The following HNRNPR variants were observed in gnomAD, a reference collection of about 807,000 sequenced individuals.
HNRNPR encodes heterogeneous nuclear ribonucleoprotein R.
HNRNPR carries 4 observed loss-of-function variants against 70.3 expected under a neutral mutation model. The ratio of observed to expected loss-of-function variants is 0.06; its 90% CI spans 0.03 to 0.13. HNRNPR has a LOEUF of 0.13. Among genes scored for constraint, HNRNPR ranks in the 10% least tolerant of loss-of-function variants. The pLI, the probability that HNRNPR is intolerant of heterozygous loss-of-function variation, is 1.00. For missense variants in HNRNPR, 423 were observed against 788.5 expected, an observed-to-expected ratio of 0.54 and a Z score of 5.55; for synonymous variants, 241 against 267.6, an observed-to-expected ratio of 0.90 and a Z score of 0.97.
rs909322903 is a variant in HNRNPR at position 23,318,164 on chromosome 1, CT to C, written c.1017+318del. 1.0e-4 allele frequency among the ~76,000 whole-genome samples: 15 copies of C among 146,754 alleles called. No individual in the cohort carries two copies. The highest frequency in any genetic ancestry group is 4.0e-4 in the African/African-American group (15 of 37,900). On this transcript the variant is annotated intron_variant, in intron 8 of 10. Transcript: ENST00000302271. This position sits in a 1 kb window ranked among gnomAD's most constrained non-coding sequence, Gnocchi z 4.2. The stretch of plus-strand genomic sequence containing the variant: ...ACATTACTTCTCTCTTTACTCAGGA[CT>C]TTTAAAAAAAAAAAAAACCTCTATC...
At chr1:23,313,808 T>A in intron 8 of HNRNPR, 106 bp from the exon 9 acceptor site, 2 of 1,241,232 alleles carry the variant, frequency 1.6e-6, no homozygotes, top group Non-Finnish European at 2.2e-6. Context: ...AAACATTAAG[T>A]GCTAAAAGTG....
At chr1:23,317,371 T>C (rs1204707603) in intron 8 of HNRNPR, among the ~76,000 whole-genome samples, 5 of 151,806 alleles carry the variant, frequency 3.3e-5, no homozygotes, top group Non-Finnish European at 7.4e-5. Flanking sequence ...GGCAGGAGAA[T>C]GGCGTGAACC....
Position 23,310,947 on chromosome 1 carries a change from T to C in HNRNPR, c.1409A>G (p.Tyr470Cys), listed in dbSNP as rs1645309361. 1.2e-6 allele frequency: 2 copies of C among 1,614,138 alleles called. No homozygotes were observed. The highest frequency in any genetic ancestry group is 4.5e-5 in the East Asian group (2 of 44,882). ...YPPDYYGYEDYYDDYYGYDYH... is the reference protein window; with the variant it reads ...YPPDYYGYEDCYDDYYGYDYH... Reference sequence around the variant, plus strand: ...ATCATAACCATAGTAATCATCATAGTAATCTTCATAGCCGTAGTAATCTGG... The same window carrying C: ...ATCATAACCATAGTAATCATCATAGCAATCTTCATAGCCGTAGTAATCTGG... Residue 470 changes from tyrosine to cysteine, a missense_variant, in exon 11 of 11, where the codon TAC (tyrosine) becomes TGC (cysteine). By Grantham distance (194) the Tyr-to-Cys change is radical (BLOSUM62 -2). Around this residue, in one of 7 missense-constraint regions of HNRNPR, gnomAD observed 169 missense variants for 195.6 expected, o/e 0.86. Coordinates refer to ENST00000302271, the MANE Select transcript of HNRNPR (RefSeq NM_005826.5). This position sits in a 1 kb window ranked among gnomAD's most constrained non-coding sequence, Gnocchi z 6.0.
chr1:23,318,773 G>T lies in HNRNPR; in HGVS notation c.812-85C>A. ...GGCAGACCTAAATCCACTTGACGAT[G>T]AGCAAAATATAAGTGAAGCAGCCTC... On this transcript the variant is annotated intron_variant, in intron 7 of 10. Coordinates refer to ENST00000302271, the MANE Select transcript of HNRNPR (RefSeq NM_005826.5). This position sits in a 1 kb window ranked among gnomAD's most constrained non-coding sequence, Gnocchi z 4.2. The T allele has an allele frequency of 7.8e-7, 1 of 1,288,740 alleles. No homozygotes were observed. Among genetic ancestry groups the T allele is most frequent in the Non-Finnish European group, 1.1e-6 (1 of 911,978 alleles). 79.8% of individuals were successfully genotyped at this position (1,288,740 alleles called of 1,614,324 possible).
chr1:23,322,910 T>C (rs1259131500), intron 6 of HNRNPR, among the ~76,000 whole-genome samples: 1 of 152,206 alleles, frequency 6.6e-6, no homozygotes, highest in Non-Finnish European at 1.5e-5. Context: ...TGCAGAACTT[T>C]GTTGCTACTA....
intron 5 of HNRNPR, among the ~76,000 whole-genome samples, chr1:23,331,405 T>TAAAAA (rs59528152): frequency 1.3e-4 from 16 of 127,234 alleles, no homozygotes; most frequent in Admixed American, 1.6e-4. Context: ...CACAAAAAAT[T>TAAAAA]AAAAAAAAAA....
intron 5 of HNRNPR, among the ~76,000 whole-genome samples, chr1:23,326,516 G>A (rs546225608): frequency 6.6e-5 from 10 of 152,314 alleles, no homozygotes; most frequent in Admixed American, 5.9e-4. Flanking sequence ...CGGGCACAGT[G>A]ACTTATGCCT....
intron 3 of HNRNPR, 137 bp from the exon 4 acceptor site, chr1:23,337,998 T>C (rs1449797474): frequency 1.6e-6 from 1 of 637,070 alleles, no homozygotes; most frequent in African/African-American, 1.8e-5. Flanking sequence ...ATTTGCCGAG[T>C]GGTTACTATG....
rs537822395 is a variant in HNRNPR at position 23,327,986 on chromosome 1, ACT to A, written c.499-4256_499-4255del. Among the ~76,000 whole-genome samples, 9 of 122,642 alleles carry A rather than the reference ACT, an allele frequency of 7.3e-5. No homozygotes were observed. The South Asian group carries it at 2.1e-3, about 29-fold the overall frequency. The allele number at this position is 122,642 out of a possible 152,430, so 80.5% of individuals were successfully genotyped here. ...AGACCAGCCTGAGAAACACAGCAAG[ACT>A]CTGTCTCAAAAAAAAAAAAAAAAAA... On this transcript the variant is annotated intron_variant, in intron 5 of 10. Coordinates refer to ENST00000302271, the MANE Select transcript of HNRNPR (RefSeq NM_005826.5).
intron 9 of HNRNPR, 116 bp downstream of exon 9, chr1:23,313,435 GAA>G: frequency 1.4e-6 from 1 of 695,534 alleles, no homozygotes; most frequent in Non-Finnish European, 2.4e-6. Context: ...AGATTAAATA[GAA>G]AGAGTTCAGC....
chr1:23,305,243 T>G lies in HNRNPR; in HGVS notation c.*5211A>C, dbSNP rs578085590. 6 of 152,188 alleles carry G rather than the reference T, an allele frequency of 3.9e-5. No homozygotes were observed. The highest frequency in any genetic ancestry group is 5.9e-5 in the Non-Finnish European group (4 of 68,016). The allele number at this position is 152,188 out of a possible 1,614,324, so 9.4% of individuals were successfully genotyped here. ...ATATTCCTACTGCTTACCTTAAAAC[T>G]TCCTAAGGAGCATGCTATTTAGTGC... On this transcript the variant is annotated 3_prime_UTR_variant, in exon 11 of 11. Transcript: ENST00000302271.
intron 5 of HNRNPR, among the ~76,000 whole-genome samples, chr1:23,328,314 T>G (rs181265323): frequency 1.3e-5 from 2 of 152,110 alleles, no homozygotes; most frequent in African/African-American, 4.8e-5. Context: ...AGAAAATGGA[T>G]TGTATGGAGA....
chr1:23,325,510 G>GT (rs1328653368), intron 5 of HNRNPR, among the ~76,000 whole-genome samples: 2 of 151,908 alleles, frequency 1.3e-5, no homozygotes, highest in African/African-American at 4.8e-5. Flanking sequence ...CCTCCTTAAG[G>GT]TCCCCAATCC....
intron 6 of HNRNPR, 36 bp from the exon 7 acceptor site, chr1:23,321,699 C>T (rs1557860392): frequency 1.3e-6 from 2 of 1,577,056 alleles, no homozygotes; most frequent in South Asian, 1.2e-5. Context: ...CCCAAAACCA[C>T]CCCAAACTCA....
chr1:23,330,149 C>A, intron 5 of HNRNPR, among the ~76,000 whole-genome samples: 1 of 152,084 alleles, frequency 6.6e-6, no homozygotes, highest in Admixed American at 6.5e-5. Flanking sequence ...CATTACTCTG[C>A]AAAACATCAG....
At chr1:23,319,617 G>C (rs1645679439) in intron 7 of HNRNPR, among the ~76,000 whole-genome samples, 1 of 152,110 alleles carries the variant, frequency 6.6e-6, no homozygotes, top group Non-Finnish European at 1.5e-5. Flanking sequence ...CAGAGCGCTA[G>C]GAATAATATC....
Position 23,307,107 on chromosome 1 carries a change from A to G in HNRNPR, c.*3347T>C, listed in dbSNP as rs1645213908. On this transcript the variant is annotated 3_prime_UTR_variant, in exon 11 of 11. Transcript: ENST00000302271. The stretch of plus-strand genomic sequence containing the variant: ...AATATTGGTAGCTCAGTATAATAAA[A>G]TTATCTTTGAAAAATCAAAATGACA... The G allele has an allele frequency of 6.6e-6, 1 of 152,190 alleles. No homozygotes were observed. Among genetic ancestry groups the G allele is most frequent in the South Asian group, 2.1e-4 (1 of 4,834 alleles). 9.4% of individuals were successfully genotyped at this position (152,190 alleles called of 1,614,324 possible).
At chr1:23,315,415 C>G (rs1645502971) in intron 8 of HNRNPR, among the ~76,000 whole-genome samples, 1 of 151,030 alleles carries the variant, frequency 6.6e-6, no homozygotes, top group Non-Finnish European at 1.5e-5. Context: ...TGTTTTTTAA[C>G]TATTTAGTAG....
At chr1:23,316,154 C>T (rs940902163) in intron 8 of HNRNPR, among the ~76,000 whole-genome samples, 2 of 152,038 alleles carry the variant, frequency 1.3e-5, no homozygotes, top group African/African-American at 4.8e-5. Flanking sequence ...CTTTTCTTTT[C>T]AATTAGGAAA....
Sources: gnomAD v4.1 joint callset for allele counts (sites outside exome capture counted in the v4.1 genomes callset) on GRCh38, gnomAD v4.1.1 for gene constraint, gnomAD v4.1.1 regional missense constraint, Gnocchi (gnomAD v3.1) non-coding constraint, MANE v1.5 for transcripts, NCBI Gene and HGNC (gene_info 2026-07-23, HGNC 2026-07-21) for gene names.